HK1: variants seen among roughly 807,000 people sequenced by gnomAD.
HK1 encodes hexokinase 1.
In HK1, 28 loss-of-function variants were observed where a neutral mutation model predicts 91.6. The ratio of observed to expected loss-of-function variants is 0.31; its 90% confidence interval spans 0.23 to 0.42. The LOEUF is 0.42. Ranked by LOEUF, HK1 falls within the 10% of genes least tolerant of loss-of-function variation. The probability of loss-of-function intolerance (pLI) is 1.00; values close to 1 mark genes in which losing one functional copy is unlikely to be tolerated. For missense variants in HK1, 770 were observed against 1,219.8 expected (o/e 0.63, Z 5.49); for synonymous variants, 430 against 468.1 (o/e 0.92, Z 1.05).
chr10:69,352,239 C>CTG (rs1848913961), intron 2 of HK1, among the ~76,000 whole-genome samples: 1 of 152,040 alleles, frequency 6.6e-6, no homozygotes, highest in African/African-American at 2.4e-5. Context: ...GTGATCCACC[C>CTG]GCCTCAGCCT....
chr10:69,383,277 A>G (rs1184676332), intron 10 of HK1, among the ~76,000 whole-genome samples: 1 of 152,242 alleles, frequency 6.6e-6, no homozygotes, highest in Non-Finnish European at 1.5e-5. Context: ...AAGGATAAAC[A>G]CTCAGTGTAC....
At chr10:69,398,259 A>C (rs997967082) in intron 16 of HK1, among the ~76,000 whole-genome samples, 1 of 152,262 alleles carries the variant, frequency 6.6e-6, no homozygotes, top group Non-Finnish European at 1.5e-5. Context: ...TGCTCAATGC[A>C]TGAAACAGGA....
chr10:69,327,338 C>T (rs548248240), intron 1 of HK1, among the ~76,000 whole-genome samples: 163 of 152,212 alleles, frequency 1.1e-3, no homozygotes, highest in African/African-American at 3.7e-3. Flanking sequence ...TGTATCCTTC[C>T]GCCATTTACT....
At chr10:69,312,708 C>T (rs889274550), upstream of HK1, among the ~76,000 whole-genome samples, 3 of 152,156 alleles carry the variant, frequency 2.0e-5, no homozygotes, top group African/African-American at 7.2e-5. Context: ...GGCATTTTAT[C>T]CCTCTAGGGG....
intron 1 of HK1, among the ~76,000 whole-genome samples, chr10:69,321,038 T>A (rs1402202646): frequency 6.6e-6 from 1 of 152,138 alleles, no homozygotes; most frequent in Non-Finnish European, 1.5e-5. Context: ...TGGAGGAAGG[T>A]CTTAAGGCCA....
upstream of HK1, chr10:69,318,087 G>A (rs1046116998): frequency 3.0e-6 from 3 of 985,324 alleles, no homozygotes; most frequent in Non-Finnish European, 3.6e-6. Context: ...CGCCCAGAGG[G>A]AGTGCGCCCT....
chr10:69,352,269 A>C (rs1169865529), intron 2 of HK1, among the ~76,000 whole-genome samples: 2 of 152,282 alleles, frequency 1.3e-5, no homozygotes, highest in East Asian at 3.9e-4. Flanking sequence ...CTGGGATTAC[A>C]AGCATGAGCC....
intron 2 of HK1, among the ~76,000 whole-genome samples, chr10:69,283,304 A>T (rs570145737): frequency 4.0e-4 from 58 of 145,138 alleles, no homozygotes; most frequent in African/African-American, 1.4e-3. Context: ...AAAAAAAAAA[A>T]TTAGCCTGAC....
intron 5 of HK1, among the ~76,000 whole-genome samples, chr10:69,368,956 G>A (rs1390254159): frequency 2.6e-5 from 4 of 152,210 alleles, no homozygotes; most frequent in South Asian, 4.1e-4. Flanking sequence ...TATCGGGGAC[G>A]TGGACCTCCT....
chr10:69,313,544 C>T (rs1189908128), upstream of HK1, among the ~76,000 whole-genome samples: 1 of 152,196 alleles, frequency 6.6e-6, no homozygotes, highest in Admixed American at 6.5e-5. Context: ...CTCACCACAA[C>T]CTCTGCCTCC....
intron 1 of HK1, among the ~76,000 whole-genome samples, chr10:69,324,710 A>G (rs1307223249): frequency 6.6e-6 from 1 of 152,256 alleles, no homozygotes; most frequent in Non-Finnish European, 1.5e-5. Context: ...AACTGCTTAC[A>G]GCTAGGCTGC....
intron 2 of HK1, among the ~76,000 whole-genome samples, chr10:69,348,864 A>C (rs1436688932): frequency 2.0e-5 from 3 of 151,892 alleles, no homozygotes; most frequent in African/African-American, 7.3e-5. Flanking sequence ...CATTTCCCGC[A>C]GGCAGAGTTT....
intron 4 of HK1, among the ~76,000 whole-genome samples, chr10:69,366,651 A>T (rs567660784): frequency 6.6e-6 from 1 of 152,082 alleles, no homozygotes. Context: ...AGCTGTGGCC[A>T]TATGTAGACT....
Position 69,389,281 on chromosome 10 carries a change from G to A in HK1, c.2020G>A (p.Val674Ile). Residue 674 changes from valine (V) to isoleucine (I), a missense_variant, in exon 14 of 18, where the codon GTT becomes ATT. Val to Ile is a conservative substitution (Grantham distance 29). This residue lies in a region of HK1 where 152 missense variants were observed against 211.1 expected (regional missense o/e 0.72). Transcript: ENST00000359426. Reference sequence around the variant, plus strand: ...TGCTTATGAGGAGCCCACCTGTGAGGTTGGACTCATTGTTGGTGAGTGTCC... The same window carrying A: ...TGCTTATGAGGAGCCCACCTGTGAGATTGGACTCATTGTTGGTGAGTGTCC... The part of the protein sequence containing the change: ...TCAYEEPTCE[V>I]GLIVGTGSNA... 1 of 1,610,540 alleles carries A rather than the reference G, an allele frequency of 6.2e-7. No homozygotes were observed. The highest frequency in any genetic ancestry group is 8.5e-7 in the Non-Finnish European group (1 of 1,177,998).
chr10:69,318,828 G>A, upstream of HK1: 3 of 1,436,388 alleles, frequency 2.1e-6, no homozygotes, highest in South Asian at 3.0e-5. Flanking sequence ...CCGAGGGGGA[G>A]GAGCCGGGGG....
chr10:69,285,608 C>A (rs1240840528), intron 2 of HK1, among the ~76,000 whole-genome samples: 1 of 152,038 alleles, frequency 6.6e-6, no homozygotes, highest in African/African-American at 2.4e-5. Context: ...GGTGCCTGTG[C>A]CAGATTTGGG....
At chr10:69,374,477 C>T (rs925537765) in intron 7 of HK1, among the ~76,000 whole-genome samples, 4 of 152,252 alleles carry the variant, frequency 2.6e-5, no homozygotes, top group African/African-American at 9.6e-5. Flanking sequence ...CGGGCGTTAC[C>T]CGTTCAGTTA....
At chr10:69,318,293 C>A (rs903209336), upstream of HK1, 1 of 890,968 alleles carries the variant, frequency 1.1e-6, no homozygotes, top group Non-Finnish European at 1.3e-6. Flanking sequence ...GCGAGGACTG[C>A]GTAGCGTCCC....
chr10:69,296,281 G>A (rs1845559277), intron 4 of HK1: 1 of 157,268 alleles, frequency 6.4e-6, no homozygotes, highest in African/African-American at 2.4e-5. Context: ...GTGGTGAGGT[G>A]TACACTTTAT....
Sources: gnomAD v4.1 joint callset for allele counts (sites outside exome capture counted in the v4.1 genomes callset) on GRCh38, gnomAD v4.1.1 for gene constraint, gnomAD v4.1.1 regional missense constraint, MANE v1.5 for transcripts, NCBI Gene and HGNC (gene_info 2026-07-23, HGNC 2026-07-21) for gene names.